MTUS2: variants seen among roughly 807,000 people sequenced by gnomAD.
MTUS2 encodes the protein microtubule associated scaffold protein 2, also known as microtubule-associated tumor suppressor candidate 2.
In MTUS2, 40 loss-of-function variants were observed where a neutral mutation model predicts 114.1. That is an observed-to-expected ratio of 0.35 (90% CI 0.27 to 0.46). The LOEUF (loss-of-function observed/expected upper bound fraction) is 0.46, where lower values mean the gene tolerates loss of function less well. Ranked by LOEUF, MTUS2 falls within the 20% of genes least tolerant of loss-of-function variation. The pLI is 1.00. For synonymous variants in MTUS2, 688 were observed against 672.0 expected (o/e 1.02, Z -0.37); for missense variants, 1,679 against 1,705.4 (o/e 0.98, Z 0.27).
At chr13:28,991,535 A>AT (rs1884854262) in intron 2 of MTUS2, among the ~76,000 whole-genome samples, 1 of 151,752 alleles carries the variant, frequency 6.6e-6, no homozygotes, top group Admixed American at 6.6e-5. Flanking sequence ...CGCCTAGCTA[A>AT]TTTTTTGTAT....
intron 5 of MTUS2, among the ~76,000 whole-genome samples, chr13:29,240,608 A>C (rs1555255361): frequency 6.6e-6 from 1 of 152,120 alleles, no homozygotes; most frequent in Non-Finnish European, 1.5e-5. Context: ...ATAAAGTATT[A>C]TTTTTTCTTT....
chr13:29,181,346 G>T (rs1893996028), intron 5 of MTUS2, among the ~76,000 whole-genome samples: 1 of 152,124 alleles, frequency 6.6e-6, no homozygotes, highest in African/African-American at 2.4e-5. Context: ...TGACATGAGG[G>T]CTGAGGTGGG....
At chr13:28,833,458 C>T (rs779029232) in intron 1 of MTUS2, among the ~76,000 whole-genome samples, 1 of 151,718 alleles carries the variant, frequency 6.6e-6, no homozygotes, top group Non-Finnish European at 1.5e-5. Flanking sequence ...ATACAGAAAC[C>T]CCATAATCAT....
At chr13:29,360,980 GATATA>G (rs1176093390) in intron 8 of MTUS2, among the ~76,000 whole-genome samples, 2 of 152,102 alleles carry the variant, frequency 1.3e-5, no homozygotes, top group Non-Finnish European at 2.9e-5. Flanking sequence ...AATAGATATT[GATATA>G]ATATATTGAT....
rs1175518756 is a variant in MTUS2 at position 29,213,155 on chromosome 13, G to T, written c.2645-68549G>T. Among the ~76,000 whole-genome samples, 3 of 152,232 alleles carry T rather than the reference G, an allele frequency of 2.0e-5. No homozygotes were observed. The East Asian group carries it at 5.8e-4, about 29-fold the overall frequency. ...TCAGCAAAGTGCAAGGCTTTTAGGAGCTCTGTGTCAGAAATTGGGGGCAGA... is the reference window on the plus strand; with the variant it reads ...TCAGCAAAGTGCAAGGCTTTTAGGATCTCTGTGTCAGAAATTGGGGGCAGA... On this transcript the variant is annotated intron_variant, in intron 5 of 15. Transcript: ENST00000612955.
intron 2 of MTUS2, among the ~76,000 whole-genome samples, chr13:28,843,571 A>T (rs1206450777): frequency 4.6e-5 from 7 of 152,234 alleles, no homozygotes; most frequent in Admixed American, 3.9e-4. Flanking sequence ...TTATTGGGAT[A>T]AAGGGACTGG....
At chr13:29,333,486 C>T (rs892709119) in intron 7 of MTUS2, among the ~76,000 whole-genome samples, 9 of 152,142 alleles carry the variant, frequency 5.9e-5, no homozygotes, top group Admixed American at 2.0e-4. Context: ...CTTGAGCCAC[C>T]GCAGCCGGCC....
chr13:29,338,860 G>C (rs976721236), intron 7 of MTUS2, among the ~76,000 whole-genome samples: 3 of 152,194 alleles, frequency 2.0e-5, no homozygotes, highest in Non-Finnish European at 2.9e-5. Context: ...AAGTGGGTGG[G>C]CAGGGGAAAG....
At chr13:29,053,069 T>A (rs1400088932) in intron 4 of MTUS2, among the ~76,000 whole-genome samples, 2 of 152,212 alleles carry the variant, frequency 1.3e-5, no homozygotes, top group Non-Finnish European at 2.9e-5. Flanking sequence ...CATTTTTCTT[T>A]ATAAATTACC....
intron 5 of MTUS2, among the ~76,000 whole-genome samples, chr13:29,161,826 T>C (rs191945145): frequency 1.3e-5 from 2 of 152,342 alleles, no homozygotes; most frequent in Admixed American, 6.5e-5. Flanking sequence ...TTTCTGTGTG[T>C]GGCCTCCTGG....
chr13:29,366,643 TAA>T (rs1555269856), intron 8 of MTUS2, among the ~76,000 whole-genome samples: 2 of 152,186 alleles, frequency 1.3e-5, no homozygotes, highest in Non-Finnish European at 2.9e-5. Context: ...TTTGAAAATA[TAA>T]GTTAGATTAT....
intron 2 of MTUS2, among the ~76,000 whole-genome samples, chr13:28,959,245 A>G (rs1250983085): frequency 6.6e-6 from 1 of 152,220 alleles, no homozygotes; most frequent in Non-Finnish European, 1.5e-5. Flanking sequence ...CACCACGGAA[A>G]AAGTGTGCCG....
intron 3 of MTUS2, among the ~76,000 whole-genome samples, chr13:29,027,621 G>A (rs1420215227): frequency 5.3e-5 from 8 of 152,074 alleles, no homozygotes; most frequent in African/African-American, 1.4e-4. Context: ...GCGCGATCTC[G>A]GCTCACTGGA....
At chr13:29,008,131 T>G (rs963224701) in intron 2 of MTUS2, among the ~76,000 whole-genome samples, 1 of 152,148 alleles carries the variant, frequency 6.6e-6, no homozygotes, top group Non-Finnish European at 1.5e-5. Flanking sequence ...GAACTCTGAT[T>G]TTGTTGTGAT....
chr13:29,503,298 G>GTACTGAGCTAC lies in MTUS2; in HGVS notation c.*93_*94insACTGAGCTACT. The GTACTGAGCTAC allele has an allele frequency of 7.0e-7, 1 of 1,424,920 alleles. No homozygotes were observed. Among genetic ancestry groups the GTACTGAGCTAC allele is most frequent in the Non-Finnish European group, 9.7e-7 (1 of 1,032,838 alleles). The allele number at this position is 1,424,920 out of a possible 1,614,324, so 88.3% of individuals were successfully genotyped here. On this transcript the variant is annotated 3_prime_UTR_variant, in exon 16 of 16. Coordinates refer to ENST00000612955, the MANE Select transcript of MTUS2 (RefSeq NM_001033602.4). ...ACCCGGTGCCGCCGGAGCTGGCCCT[G>GTACTGAGCTAC]TGCGCATGCTCAGTAGCTGCGAATG...
intron 6 of MTUS2, among the ~76,000 whole-genome samples, chr13:29,295,811 G>A (rs1243384391): frequency 1.3e-5 from 2 of 152,190 alleles, no homozygotes; most frequent in Admixed American, 6.5e-5. Flanking sequence ...TTACATGACA[G>A]CAGTCAAGGG....
chr13:29,495,167 G>A lies in MTUS2; in HGVS notation c.3580-2071G>A, dbSNP rs190884330. 8.1e-3 allele frequency among the ~76,000 whole-genome samples: 851 copies of A among 105,418 alleles called. 11 individuals carry two copies. Among genetic ancestry groups the A allele is most frequent in the African/African-American group, 0.031 (810 of 26,230 alleles). The allele number at this position is 105,418 out of a possible 152,430, so 69.2% of individuals were successfully genotyped here. Reference sequence around the variant, plus strand: ...CCACTGCACTCCAACCTGGACAAGAGCAAAACTCCGTCTCAAAAAAAAAAA... The same window carrying A: ...CCACTGCACTCCAACCTGGACAAGAACAAAACTCCGTCTCAAAAAAAAAAA... On this transcript the variant is annotated intron_variant, in intron 12 of 15. Transcript: ENST00000612955.
chr13:29,204,501 G>C (rs1895099170), intron 5 of MTUS2, among the ~76,000 whole-genome samples: 1 of 152,294 alleles, frequency 6.6e-6, no homozygotes, highest in East Asian at 1.9e-4. Flanking sequence ...TCTCTCTCTG[G>C]ATATGGGCAT....
rs189810680 is a variant in MTUS2 at position 29,166,545 on chromosome 13, G to A, written c.2644+65575G>A. On this transcript the variant is annotated intron_variant, in intron 5 of 15. Transcript: ENST00000612955. ...CCTCTAGTAATTCTCAGCAATAGAT[G>A]TTCAGGATTTAACTGGATACAGTTT... Among the ~76,000 whole-genome samples the A allele has an allele frequency of 1.6e-3, 247 of 152,314 alleles. 1 individual carries two copies. The highest frequency in any genetic ancestry group is 5.3e-3 in the African/African-American group (220 of 41,574).
Sources: gnomAD v4.1 joint callset for allele counts (sites outside exome capture counted in the v4.1 genomes callset) on GRCh38, gnomAD v4.1.1 for gene constraint, MANE v1.5 for transcripts, NCBI Gene and HGNC (gene_info 2026-07-23, HGNC 2026-07-21) for gene names.